GLTP: variants seen among roughly 807,000 people sequenced by gnomAD.
GLTP encodes glycolipid transfer protein.
Under a neutral mutation model 24.0 loss-of-function variants are expected in GLTP, and 22 were observed. That is an observed-to-expected ratio of 0.92 (90% confidence interval 0.65 to 1.31). The LOEUF (loss-of-function observed/expected upper bound fraction) is 1.31, where lower values mean the gene tolerates loss of function less well. GLTP is among the 50% of genes most tolerant of loss of function. GLTP has a pLI of 0.00. For synonymous variants in GLTP, 92 were observed against 115.9 expected, an observed-to-expected ratio of 0.79 and a Z score of 1.33; for missense variants, 224 against 276.6, an observed-to-expected ratio of 0.81 and a Z score of 1.35.
In GLTP at chr12:109,861,285, A is replaced by G. The variant is rs146287013; in HGVS notation, c.104-2544T>C. On this transcript the variant is annotated intron_variant, in intron 1 of 4. Transcript: ENST00000318348. ...CATTAAACATTTAAGGAAACAGCCC[A>G]TAGCCCAATGGAAAGAAGGTGGGCT... Among the ~76,000 whole-genome samples, 379 of 152,336 alleles carry G rather than the reference A, an allele frequency of 2.5e-3. 2 individuals are homozygous for G. Among genetic ancestry groups the G allele is most frequent in the African/African-American group, 8.7e-3 (363 of 41,582 alleles).
chr12:109,870,545 C>T (rs555629880), intron 1 of GLTP, among the ~76,000 whole-genome samples: 1 of 152,120 alleles, frequency 6.6e-6, no homozygotes, highest in South Asian at 2.1e-4. Flanking sequence ...TAAATTATAT[C>T]ATCATCACCT....
At chr12:109,875,968 A>G (rs1212601589) in intron 1 of GLTP, among the ~76,000 whole-genome samples, 1 of 152,252 alleles carries the variant, frequency 6.6e-6, no homozygotes, top group African/African-American at 2.4e-5. Flanking sequence ...TCACTGCAGC[A>G]CTGTCTACCA....
In GLTP at chr12:109,857,502, G is replaced by A; in HGVS notation, c.296+24C>T. ...TCCCTCCTCTGCAGCACAGAGCCCA[G>A]GCCCTGCCACCTGAGCCCATCACCT... is the stretch of plus-strand genomic sequence containing the variant. On this transcript the variant is annotated intron_variant, in intron 3 of 4. Transcript: ENST00000318348. This position sits in a 1 kb window ranked among gnomAD's most constrained non-coding sequence, Gnocchi z 4.3. The A allele has an allele frequency of 6.2e-7, 1 of 1,611,996 alleles. No individual in the cohort carries two copies. The highest frequency in any genetic ancestry group is 8.5e-7 in the Non-Finnish European group (1 of 1,179,678).
In GLTP at chr12:109,880,129, G is replaced by A; in HGVS notation, c.103+143C>T. 1.7e-6 allele frequency: 1 copy of A among 574,640 alleles called. No homozygotes were observed. The highest frequency in any genetic ancestry group is 3.4e-5 in the East Asian group (1 of 29,448). The allele number at this position is 574,640 out of a possible 1,614,324, so 35.6% of individuals were successfully genotyped here. ...CCGGGAAAGGGAGAATTTAGGGTGA[G>A]TGGAGGGAAAGAGGATCTTGGGTGC... On this transcript the variant is annotated intron_variant, in intron 1 of 4. Transcript: ENST00000318348. This position sits in a 1 kb window ranked among gnomAD's most constrained non-coding sequence, Gnocchi z 5.1.
chr12:109,859,539 C>T (rs889356897), intron 1 of GLTP, among the ~76,000 whole-genome samples: 1 of 147,348 alleles, frequency 6.8e-6, no homozygotes, highest in Non-Finnish European at 1.5e-5. Context: ...TTTTTTTTTG[C>T]ACAGATCTTG....
chr12:109,855,621 G>A lies in GLTP; in HGVS notation c.445C>T (p.Gln149Ter), dbSNP rs1000394898. 1 of 1,546,296 alleles carries A rather than the reference G, an allele frequency of 6.5e-7. No homozygotes were observed. The highest frequency in any genetic ancestry group is 8.7e-7 in the Non-Finnish European group (1 of 1,144,328). The change falls in exon 4 of 5, where the codon CAG becomes TAG. Residue 149 changes from glutamine (Q) to a stop codon, truncating the protein, a stop_gained and splice_region_variant. Coordinates refer to ENST00000318348, the MANE Select transcript of GLTP (RefSeq NM_016433.4). LOFTEE classifies it high-confidence loss of function. This position sits in a 1 kb window ranked among gnomAD's most constrained non-coding sequence, Gnocchi z 4.1. ...TGGGGCTCATGGGGGTGGCTCACCTGGAAGATCTTCTGCACGATCCAGCCA... is the reference window on the plus strand; with the variant it reads ...TGGGGCTCATGGGGGTGGCTCACCTAGAAGATCTTCTGCACGATCCAGCCA... Reference protein sequence around the residue: ...YHGWIVQKIFQAALYAAPYKS... With the variant: ...YHGWIVQKIF
At chr12:109,865,612 AAAAT>A (rs1343763569) in intron 1 of GLTP, among the ~76,000 whole-genome samples, 1 of 152,076 alleles carries the variant, frequency 6.6e-6, no homozygotes, top group Non-Finnish European at 1.5e-5. Context: ...AAAAAAAAAA[AAAAT>A]AGAGACGGGG....
chr12:109,852,715 T>A lies in GLTP; in HGVS notation c.470A>T (p.Tyr157Phe), dbSNP rs376109542. ...IFQAALYAAP[Y>F]KSDFLKALSK... The stretch of plus-strand genomic sequence containing the variant: ...GAGCGCTTTCAGGAAGTCAGACTTA[T>A]AGGGTGCTGCGTACAGTGCTGCCTT... The change falls in exon 5 of 5, where the codon TAT (tyrosine) becomes TTT (phenylalanine). Residue 157 changes from tyrosine (Y) to phenylalanine (F), a missense_variant. Tyr to Phe is a conservative substitution (Grantham distance 22). Coordinates refer to ENST00000318348, the MANE Select transcript of GLTP (RefSeq NM_016433.4). 6.2e-7 allele frequency: 1 copy of A among 1,612,590 alleles called. No homozygotes were observed. The highest frequency in any genetic ancestry group is 2.2e-5 in the East Asian group (1 of 44,868).
chr12:109,876,287 G>A (rs1868875805), intron 1 of GLTP, among the ~76,000 whole-genome samples: 1 of 152,146 alleles, frequency 6.6e-6, no homozygotes, highest in South Asian at 2.1e-4. Context: ...AGGTTGCTAT[G>A]AGCCGAGATC....
At chr12:109,873,505 A>G (rs1218433230) in intron 1 of GLTP, among the ~76,000 whole-genome samples, 1 of 152,030 alleles carries the variant, frequency 6.6e-6, no homozygotes, top group Non-Finnish European at 1.5e-5. Context: ...ATGGTGGTGC[A>G]CATCTGTAAT....
intron 1 of GLTP, among the ~76,000 whole-genome samples, chr12:109,865,772 C>T (rs1326666525): frequency 6.6e-6 from 1 of 152,124 alleles, no homozygotes; most frequent in Non-Finnish European, 1.5e-5. Context: ...CAGATGTGGT[C>T]CCACCATCTT....
At chr12:109,877,444 G>A (rs1868923827) in intron 1 of GLTP, among the ~76,000 whole-genome samples, 1 of 152,122 alleles carries the variant, frequency 6.6e-6, no homozygotes, top group Non-Finnish European at 1.5e-5. Context: ...TATATCTAGA[G>A]CTATGGTTCT....
intron 1 of GLTP, among the ~76,000 whole-genome samples, chr12:109,870,944 T>G (rs998989234): frequency 3.9e-5 from 6 of 152,036 alleles, no homozygotes; most frequent in African/African-American, 1.5e-4. Flanking sequence ...CAGATACAGT[T>G]AACACTCTAG....
chr12:109,871,430 A>T (rs1170151077), intron 1 of GLTP, among the ~76,000 whole-genome samples: 1 of 152,086 alleles, frequency 6.6e-6, no homozygotes, highest in Non-Finnish European at 1.5e-5. Context: ...TCACATTGTC[A>T]TGCCAGCCGG....
At chr12:109,874,916 T>C (rs1282186521) in intron 1 of GLTP, among the ~76,000 whole-genome samples, 4 of 152,106 alleles carry the variant, frequency 2.6e-5, no homozygotes, top group Admixed American at 2.6e-4. Context: ...AATGCTAACA[T>C]GCCCGACCAA....
Position 109,857,578 on chromosome 12 carries a change from C to T in GLTP, c.244G>A (p.Gly82Arg). 6.2e-7 allele frequency: 1 copy of T among 1,614,154 alleles called. No homozygotes were observed. Among genetic ancestry groups the T allele is most frequent in the Non-Finnish European group, 8.5e-7 (1 of 1,180,010 alleles). ...GCCCCTACTTTGGGCCACTCTGCTC[C>T]ATACATTTCTTTCTCCACCTCCAGG... ...NILEVEKEMY[G>R]AEWPKVGATL... The change falls in exon 3 of 5, where the codon GGA (glycine) becomes AGA (arginine). Residue 82 changes from glycine to arginine, a missense_variant. Coordinates refer to ENST00000318348, the MANE Select transcript of GLTP (RefSeq NM_016433.4). This position sits in a 1 kb window ranked among gnomAD's most constrained non-coding sequence, Gnocchi z 4.3.
chr12:109,869,456 CTTTT>C (rs1218490016), intron 1 of GLTP, among the ~76,000 whole-genome samples: 1 of 115,038 alleles, frequency 8.7e-6, no homozygotes, highest in African/African-American at 3.3e-5. Context: ...TGGGAAAATT[CTTTT>C]TTTTTTTTTT....
At chr12:109,877,888 C>T (rs939893980) in intron 1 of GLTP, among the ~76,000 whole-genome samples, 4 of 152,304 alleles carry the variant, frequency 2.6e-5, no homozygotes, top group African/African-American at 7.2e-5. Flanking sequence ...CTCCTCCCCC[C>T]ACAGAAGAGA....
chr12:109,870,836 G>A (rs908413965), intron 1 of GLTP, among the ~76,000 whole-genome samples: 3 of 152,120 alleles, frequency 2.0e-5, no homozygotes, highest in African/African-American at 7.2e-5. Context: ...CTGAACACAG[G>A]GGAAGTGTGA....
Sources: gnomAD v4.1 joint callset for allele counts (sites outside exome capture counted in the v4.1 genomes callset) on GRCh38, gnomAD v4.1.1 for gene constraint, Gnocchi (gnomAD v3.1) non-coding constraint, MANE v1.5 for transcripts, NCBI Gene and HGNC (gene_info 2026-07-23, HGNC 2026-07-21) for gene names.